MAP2K4: variants seen among roughly 807,000 people sequenced by gnomAD.
The protein encoded by MAP2K4 is dual specificity mitogen-activated protein kinase kinase 4.
Under a neutral mutation model 48.5 loss-of-function variants are expected in MAP2K4, and 4 were observed. The ratio of observed to expected loss-of-function variants is 0.08; its 90% CI spans 0.04 to 0.19. MAP2K4 has a LOEUF of 0.19. MAP2K4 is among the 10% of genes least tolerant of loss of function. The probability of loss-of-function intolerance (pLI) is 1.00; values close to 1 mark genes in which losing one functional copy is unlikely to be tolerated. For synonymous variants in MAP2K4, 166 were observed against 173.1 expected (o/e 0.96, Z 0.32); for missense variants, 258 against 493.3 (o/e 0.52, Z 4.52).
At position 12,125,431 on chromosome 17, in the gene MAP2K4, A is replaced by G. The variant is rs553891649; in HGVS notation, c.891+60A>G. 40 of 1,390,846 alleles carry G rather than the reference A, an allele frequency of 2.9e-5. 1 individual carries two copies. The South Asian group carries it at 4.2e-4, about 14-fold the overall frequency. 86.2% of individuals were successfully genotyped at this position (1,390,846 alleles called of 1,614,324 possible). On this transcript the variant is annotated intron_variant, in intron 8 of 10. Coordinates refer to ENST00000353533, the MANE Select transcript of MAP2K4 (RefSeq NM_003010.4). ...CGTAACAATAAGAAATTTAGAAGTG[A>G]AAGAAAACTTAATCAGACTTCCCCG...
intron 1 of MAP2K4, among the ~76,000 whole-genome samples, chr17:12,029,811 C>T (rs1024526618): frequency 6.6e-5 from 10 of 151,646 alleles, no homozygotes; most frequent in African/African-American, 2.4e-4. Context: ...TAGTGGCTTG[C>T]ACCTGCTGAG....
At chr17:12,100,749 A>G (rs1440522005) in intron 4 of MAP2K4, among the ~76,000 whole-genome samples, 1 of 152,076 alleles carries the variant, frequency 6.6e-6, no homozygotes, top group Non-Finnish European at 1.5e-5. Context: ...GTTAATCTTT[A>G]GCCGTTCTAG....
At chr17:12,083,079 GA>G (rs1275921687) in intron 3 of MAP2K4, among the ~76,000 whole-genome samples, 1 of 152,164 alleles carries the variant, frequency 6.6e-6, no homozygotes, top group African/African-American at 2.4e-5. Flanking sequence ...AGGTACTAGG[GA>G]AAGTAATTTT....
chr17:12,134,914 T>G (rs1973154620), intron 9 of MAP2K4, among the ~76,000 whole-genome samples: 1 of 152,148 alleles, frequency 6.6e-6, no homozygotes, highest in African/African-American at 2.4e-5. Context: ...TTTTATTTAT[T>G]TTGAGATAGG....
At chr17:12,117,290 C>G (rs1431371510) in intron 7 of MAP2K4, among the ~76,000 whole-genome samples, 3 of 152,028 alleles carry the variant, frequency 2.0e-5, no homozygotes, top group African/African-American at 7.2e-5. Flanking sequence ...GAAATGCTCC[C>G]AAATATGAAA....
intron 2 of MAP2K4, among the ~76,000 whole-genome samples, chr17:12,071,370 A>G (rs1970802587): frequency 6.6e-6 from 1 of 152,150 alleles, no homozygotes; most frequent in Non-Finnish European, 1.5e-5. Flanking sequence ...TGGAGAAGAT[A>G]TTAAACTCAC....
intron 1 of MAP2K4, among the ~76,000 whole-genome samples, chr17:12,041,375 T>C (rs972470968): frequency 2.0e-5 from 3 of 152,260 alleles, no homozygotes; most frequent in East Asian, 1.9e-4. Context: ...AGTTGGATTT[T>C]AATTTAAATT....
intron 2 of MAP2K4, among the ~76,000 whole-genome samples, chr17:12,064,044 A>C (rs9912197): frequency 1.0e-4 from 14 of 135,822 alleles, no homozygotes; most frequent in African/African-American, 2.9e-4. Flanking sequence ...GAGAGAGAGA[A>C]AGAGACTAGA....
chr17:12,029,866 T>C (rs1969376808), intron 1 of MAP2K4, among the ~76,000 whole-genome samples: 1 of 151,278 alleles, frequency 6.6e-6, no homozygotes, highest in African/African-American at 2.4e-5. Flanking sequence ...TGCAGTGAGC[T>C]ATGATCATGC....
At chr17:12,134,340 A>G (rs1973135470) in intron 9 of MAP2K4, among the ~76,000 whole-genome samples, 2 of 152,370 alleles carry the variant, frequency 1.3e-5, no homozygotes, top group Admixed American at 1.3e-4. Context: ...TCACAGAAAA[A>G]AAAACAAGGT....
At chr17:12,082,165 C>T (rs1028679053) in intron 3 of MAP2K4, among the ~76,000 whole-genome samples, 3 of 151,168 alleles carry the variant, frequency 2.0e-5, no homozygotes, top group Non-Finnish European at 2.9e-5. Flanking sequence ...TGGCCAGAAA[C>T]AGAGATTTGA....
chr17:12,040,536 A>T (rs1969744802), intron 1 of MAP2K4, among the ~76,000 whole-genome samples: 1 of 152,232 alleles, frequency 6.6e-6, no homozygotes, highest in African/African-American at 2.4e-5. Flanking sequence ...TCAAGTAATA[A>T]GACGTTCTCT....
intron 1 of MAP2K4, among the ~76,000 whole-genome samples, chr17:12,051,059 T>A (rs1970126907): frequency 6.6e-6 from 1 of 152,164 alleles, no homozygotes; most frequent in African/African-American, 2.4e-5. Context: ...TTCTGACAGA[T>A]TGTTGCCCTC....
intron 1 of MAP2K4, among the ~76,000 whole-genome samples, chr17:12,043,126 ATTT>A (rs1969846810): frequency 6.6e-6 from 1 of 152,120 alleles, no homozygotes; most frequent in South Asian, 2.1e-4. Context: ...CCTTGATAAT[ATTT>A]TCATACCTGT....
intron 3 of MAP2K4, among the ~76,000 whole-genome samples, chr17:12,093,164 A>G (rs758170313): frequency 3.7e-4 from 57 of 152,180 alleles, no homozygotes; most frequent in Non-Finnish European, 7.1e-4. Flanking sequence ...GAAAAGCACA[A>G]TCAATTTCAT....
chr17:12,064,266 G>A (rs913164482), intron 2 of MAP2K4, among the ~76,000 whole-genome samples: 1 of 152,086 alleles, frequency 6.6e-6, no homozygotes, highest in Non-Finnish European at 1.5e-5. Context: ...AAAATTTTTT[G>A]TAGAGGTGGG....
At chr17:12,045,164 T>G (rs28918098) in intron 1 of MAP2K4, among the ~76,000 whole-genome samples, 72 of 152,346 alleles carry the variant, frequency 4.7e-4, no homozygotes, top group African/African-American at 1.7e-3. Flanking sequence ...GACTTATATT[T>G]CTTTCATTGT....
chr17:12,091,746 A>G (rs892059277), intron 3 of MAP2K4, among the ~76,000 whole-genome samples: 2 of 152,122 alleles, frequency 1.3e-5, no homozygotes, highest in Non-Finnish European at 1.5e-5. Flanking sequence ...CTTATATGCA[A>G]TCTTGAATAC....
intron 1 of MAP2K4, among the ~76,000 whole-genome samples, chr17:12,042,176 A>AG (rs1345078986): frequency 1.3e-5 from 2 of 151,004 alleles, no homozygotes; most frequent in East Asian, 1.9e-4. Context: ...TCAAAAAAAA[A>AG]AAAAAAAAAA....
Sources: gnomAD v4.1 joint callset for allele counts (sites outside exome capture counted in the v4.1 genomes callset) on GRCh38, gnomAD v4.1.1 for gene constraint, MANE v1.5 for transcripts, NCBI Gene and HGNC (gene_info 2026-07-23, HGNC 2026-07-21) for gene names.